The following IFT74 variants were observed in gnomAD, a reference collection of about 807,000 sequenced individuals.
IFT74 encodes intraflagellar transport protein 74 homolog.
In IFT74, 92 loss-of-function variants were observed where a neutral mutation model predicts 96.7. The observed-to-expected ratio is 0.95, with a 90% CI of 0.80 to 1.13. The LOEUF (loss-of-function observed/expected upper bound fraction) is 1.13, where lower values mean the gene tolerates loss of function less well. Ranked by LOEUF, IFT74 falls within the 50% of genes most tolerant of loss-of-function variation. IFT74 has a pLI of 0.00. For synonymous variants in IFT74, 223 were observed against 213.2 expected (o/e 1.05, Z -0.40); for missense variants, 811 against 698.2 (o/e 1.16, Z -1.82).
At position 26,956,906 on chromosome 9, in the gene IFT74, T is replaced by A. The variant is rs58680265; in HGVS notation, c.-20+390T>A. Among the ~76,000 whole-genome samples the A allele has an allele frequency of 7.5e-3, 1,149 of 152,290 alleles. 15 individuals are homozygous for A. The highest frequency in any genetic ancestry group is 0.026 in the African/African-American group (1,084 of 41,532). On this transcript the variant is annotated intron_variant, in intron 1 of 19. Transcript: ENST00000380062. ...TTCACCTGTGTGAGAATGGTTGGCT[T>A]AGGGAGGATAACGATAGTAATAATA...
intron 13 of IFT74, among the ~76,000 whole-genome samples, chr9:27,038,265 T>C (rs899737939): frequency 6.6e-5 from 10 of 152,096 alleles, no homozygotes; most frequent in Admixed American, 2.0e-4. Context: ...GTTTTGTTTT[T>C]GTTTTTGTTT....
intron 14 of IFT74, among the ~76,000 whole-genome samples, chr9:27,046,207 C>T (rs1387953667): frequency 6.6e-6 from 1 of 152,144 alleles, no homozygotes; most frequent in Non-Finnish European, 1.5e-5. Context: ...AGGATATTCA[C>T]ACATAAGACC....
At chr9:27,053,087 T>A (rs1820004402) in intron 16 of IFT74, among the ~76,000 whole-genome samples, 1 of 151,036 alleles carries the variant, frequency 6.6e-6, no homozygotes, top group African/African-American at 2.4e-5. Context: ...ATGGCCTCGA[T>A]CTCCTGACCT....
chr9:27,047,279 A>G lies in IFT74; in HGVS notation c.1114A>G (p.Ile372Val). 1.2e-6 allele frequency: 2 copies of G among 1,605,984 alleles called. No homozygotes were observed. Among genetic ancestry groups the G allele is most frequent in the Admixed American group, 3.3e-5 (2 of 59,900 alleles). The change falls in exon 15 of 20, where the codon ATT becomes GTT. Residue 372 changes from isoleucine to valine, a missense_variant. Physicochemically the swap from Ile to Val is conservative, Grantham distance 29 (BLOSUM62 3). Coordinates refer to ENST00000380062, the MANE Select transcript of IFT74 (RefSeq NM_025103.4). ...TTATGTTTTCCAATTGTCAGCTTTTATTGAGACTTTTGAGGAAACAAAGAA... is the reference window on the plus strand; with the variant it reads ...TTATGTTTTCCAATTGTCAGCTTTTGTTGAGACTTTTGAGGAAACAAAGAA... The part of the protein sequence containing the change: ...KKREEHMDTF[I>V]ETFEETKNQE...
In IFT74 at chr9:27,010,259, T is replaced by G. The variant is rs140674934; in HGVS notation, c.726+1101T>G. 3.5e-3 allele frequency among the ~76,000 whole-genome samples: 529 copies of G among 151,794 alleles called. 1 individual carries two copies. Among genetic ancestry groups the G allele is most frequent in the African/African-American group, 0.012 (487 of 41,436 alleles). The stretch of plus-strand genomic sequence containing the variant: ...CTGCCTCGGCCTCCCAAAGTGCTGG[T>G]ATTACAGGCATGAGCCACCGCGCCC... On this transcript the variant is annotated intron_variant, in intron 9 of 19. Transcript: ENST00000380062.
At chr9:26,976,797 A>AG (rs1433382287) in intron 2 of IFT74, 2 of 455,874 alleles carry the variant, frequency 4.4e-6, no homozygotes, top group Non-Finnish European at 8.8e-6. Flanking sequence ...GTATTATATG[A>AG]ACTGACATAA....
At chr9:26,994,353 A>T (rs927466690) in intron 8 of IFT74, 1 of 152,088 alleles carries the variant, frequency 6.6e-6, no homozygotes, top group African/African-American at 2.4e-5. Context: ...CCTGGCCAAC[A>T]TGGTGAAACC....
At chr9:27,019,663 TTTTA>T (rs1163763701) in intron 12 of IFT74, among the ~76,000 whole-genome samples, 1 of 151,934 alleles carries the variant, frequency 6.6e-6, no homozygotes, top group African/African-American at 2.4e-5. Flanking sequence ...ATATACCATA[TTTTA>T]TTTATTTATC....
intron 8 of IFT74, chr9:26,998,259 A>T (rs770456338): frequency 7.4e-7 from 1 of 1,359,596 alleles, no homozygotes; most frequent in Non-Finnish European, 9.9e-7. Flanking sequence ...AACAAAAAAA[A>T]GAAAGGCATT....
chr9:26,972,256 C>G lies in IFT74; in HGVS notation c.121-5872C>G, dbSNP rs118107886. Among the ~76,000 whole-genome samples the G allele has an allele frequency of 8.7e-3, 1,317 of 152,244 alleles. 13 individuals carry two copies. Among genetic ancestry groups the G allele is most frequent in the Non-Finnish European group, 0.014 (922 of 68,008 alleles). ...AAATTCTTGAGTCAGTGATTCACCT[C>G]TCTATTTTTTGGTTTAAGATAGTTC... On this transcript the variant is annotated intron_variant, in intron 2 of 19. Coordinates refer to ENST00000380062, the MANE Select transcript of IFT74 (RefSeq NM_025103.4).
chr9:26,997,630 G>T, intron 8 of IFT74: 1 of 1,315,848 alleles, frequency 7.6e-7, no homozygotes, highest in Non-Finnish European at 1.0e-6. Context: ...CACTGCGCCT[G>T]GCTGCTTCCT....
intron 9 of IFT74, among the ~76,000 whole-genome samples, chr9:27,009,576 G>A (rs192398246): frequency 6.6e-6 from 1 of 151,860 alleles, no homozygotes; most frequent in African/African-American, 2.4e-5. Flanking sequence ...GACTTTTAAT[G>A]CAAACATTAA....
chr9:27,004,500 G>A (rs942209959), intron 8 of IFT74, among the ~76,000 whole-genome samples: 7 of 152,196 alleles, frequency 4.6e-5, no homozygotes, highest in Non-Finnish European at 2.9e-5. Flanking sequence ...CGATTATCAT[G>A]ACACTGAGTA....
rs150315672 is a variant in IFT74 at position 27,036,067 on chromosome 9, C to A, written c.1054+6963C>A. On this transcript the variant is annotated intron_variant, in intron 13 of 19. Coordinates refer to ENST00000380062, the MANE Select transcript of IFT74 (RefSeq NM_025103.4). ...TACTGTATTCTTACAATAAAGTAAG[C>A]TAGAGAAAAGAAAATGTTATTAAGA... is the stretch of plus-strand genomic sequence containing the variant. 3.8e-3 allele frequency among the ~76,000 whole-genome samples: 582 copies of A among 152,248 alleles called. 5 individuals are homozygous for A. The highest frequency in any genetic ancestry group is 0.013 in the African/African-American group (557 of 41,540).
intron 14 of IFT74, among the ~76,000 whole-genome samples, chr9:27,046,334 A>G (rs1406580200): frequency 6.6e-6 from 1 of 152,208 alleles, no homozygotes; most frequent in East Asian, 1.9e-4. Flanking sequence ...GTTTTACTTT[A>G]AAAAATATGC....
chr9:26,976,559 G>A (rs1827136610), intron 2 of IFT74: 2 of 332,724 alleles, frequency 6.0e-6, no homozygotes, highest in African/African-American at 2.2e-5. Flanking sequence ...AGAGGGGAGA[G>A]GAGGAAGGGG....
intron 7 of IFT74, among the ~76,000 whole-genome samples, chr9:26,989,216 G>A (rs1279516787): frequency 6.6e-6 from 1 of 152,116 alleles, no homozygotes; most frequent in East Asian, 1.9e-4. Context: ...CCAAAAAGGG[G>A]GATGGTAGGA....
At position 26,997,814 on chromosome 9, in the gene IFT74, A is replaced by C. The variant is rs762700300; in HGVS notation, c.587+7619A>C. On this transcript the variant is annotated intron_variant, in intron 8 of 19. Transcript: ENST00000380062. ...CCATAGGTTTCCATATAAAGTTATT[A>C]ATTCCAGATGAAATAGTGGTGGTAC... 1.2e-5 allele frequency: 20 copies of C among 1,614,046 alleles called. No homozygotes were observed. In the African/African-American group the frequency reaches 2.4e-4, roughly 19 times the overall value.
intron 1 of IFT74, among the ~76,000 whole-genome samples, chr9:26,959,722 A>AT (rs1554664532): frequency 1.3e-5 from 2 of 152,082 alleles, no homozygotes; most frequent in Non-Finnish European, 2.9e-5. Context: ...TCAAGTTGTA[A>AT]TTTTTTTAAA....
Sources: allele counts gnomAD v4.1 joint callset (sites outside exome capture counted in the v4.1 genomes callset), GRCh38; gene constraint gnomAD v4.1.1; transcripts MANE v1.5; gene names NCBI Gene and HGNC (gene_info 2026-07-23, HGNC 2026-07-21).